PLEKHM3: variants seen among roughly 807,000 people sequenced by gnomAD.
PLEKHM3 encodes pleckstrin homology domain containing M3, also known as pleckstrin homology domain-containing family M member 3.
In PLEKHM3, 45 loss-of-function variants were observed where a neutral mutation model predicts 81.8. The observed-to-expected ratio is 0.55, with a 90% CI of 0.43 to 0.71. The LOEUF is 0.71. PLEKHM3 is among the 30% of genes least tolerant of loss of function. The probability of loss-of-function intolerance (pLI) is 0.00; values close to 1 mark genes in which losing one functional copy is unlikely to be tolerated. For synonymous variants in PLEKHM3, 352 were observed against 356.4 expected, an observed-to-expected ratio of 0.99 and a Z score of 0.14; for missense variants, 788 against 924.3, an observed-to-expected ratio of 0.85 and a Z score of 1.91.
intron 3 of PLEKHM3, among the ~76,000 whole-genome samples, chr2:207,968,044 C>T (rs1690978061): frequency 6.6e-6 from 1 of 151,874 alleles, no homozygotes; most frequent in African/African-American, 2.4e-5. Flanking sequence ...ATTCACAAAA[C>T]AATGCACATA....
At chr2:208,014,889 A>G (rs1692836509) in intron 1 of PLEKHM3, among the ~76,000 whole-genome samples, 1 of 152,240 alleles carries the variant, frequency 6.6e-6, no homozygotes, top group African/African-American at 2.4e-5. Flanking sequence ...TAGTTGAATC[A>G]GGCACTGCTA....
rs144848496 is a variant in PLEKHM3 at position 207,894,384 on chromosome 2, C to T, written c.1950+14130G>A. Among the ~76,000 whole-genome samples, 26 of 152,306 alleles carry T rather than the reference C, an allele frequency of 1.7e-4. 1 individual carries two copies. Among genetic ancestry groups the T allele is most frequent in the African/African-American group, 6.3e-4 (26 of 41,574 alleles). On this transcript the variant is annotated intron_variant, in intron 6 of 7. Transcript: ENST00000427836. ...AAACTGGGCAGGAAGCTGGGCCTGA[C>T]CAATATAGTCCCAATATCTACAGAG...
intron 2 of PLEKHM3, among the ~76,000 whole-genome samples, chr2:207,990,907 A>C (rs963207001): frequency 2.0e-5 from 3 of 152,228 alleles, no homozygotes; most frequent in African/African-American, 7.2e-5. Flanking sequence ...GCTCTAGTGG[A>C]AACAGACCTG....
intron 4 of PLEKHM3, among the ~76,000 whole-genome samples, chr2:207,932,976 A>G (rs1029620499): frequency 6.6e-6 from 1 of 152,208 alleles, no homozygotes; most frequent in Non-Finnish European, 1.5e-5. Flanking sequence ...ACCAAAGTTT[A>G]TGTTCTTTAT....
rs544589398 is a variant in PLEKHM3, at chr2:207,945,914, C to T, written c.1692+453G>A. On this transcript the variant is annotated intron_variant, in intron 4 of 7. Coordinates refer to ENST00000427836, the MANE Select transcript of PLEKHM3 (RefSeq NM_001080475.3). ...AGACAATGTCTAAAAAAAAAAAAGCCGACACAAACAAATGAACAAAAACAA... is the reference window on the plus strand; with the variant it reads ...AGACAATGTCTAAAAAAAAAAAAGCTGACACAAACAAATGAACAAAAACAA... Among the ~76,000 whole-genome samples, 413 of 149,086 alleles carry T rather than the reference C, an allele frequency of 2.8e-3. 6 individuals carry two copies. Among genetic ancestry groups the T allele is most frequent in the African/African-American group, 9.6e-3 (393 of 40,800 alleles).
intron 6 of PLEKHM3, among the ~76,000 whole-genome samples, chr2:207,892,703 G>A (rs767690649): frequency 2.6e-5 from 4 of 152,076 alleles, no homozygotes; most frequent in Non-Finnish European, 5.9e-5. Flanking sequence ...CCATTGGTGG[G>A]GTGGAGACTC....
At chr2:207,968,394 G>T (rs1690998113) in intron 3 of PLEKHM3, among the ~76,000 whole-genome samples, 2 of 152,038 alleles carry the variant, frequency 1.3e-5, no homozygotes, top group Admixed American at 6.6e-5. Context: ...TTGGGGGTGG[G>T]GGGCCACTTT....
At chr2:207,848,600 T>G (rs1162847244) in intron 7 of PLEKHM3, among the ~76,000 whole-genome samples, 1 of 152,214 alleles carries the variant, frequency 6.6e-6, no homozygotes, top group Admixed American at 6.5e-5. Context: ...GTTCCTTCTT[T>G]TTAAACAAGC....
chr2:207,821,363 G>A lies in PLEKHM3; in HGVS notation c.*6956C>T, dbSNP rs148315132. On this transcript the variant is annotated 3_prime_UTR_variant, in exon 8 of 8. Coordinates refer to ENST00000427836, the MANE Select transcript of PLEKHM3 (RefSeq NM_001080475.3). ...AGGAACTGGTGCACTTAAATTATGT[G>A]ACAGATGACCTTAAAAACTAGAGGT... 1 of 152,160 alleles carries A rather than the reference G, an allele frequency of 6.6e-6. No individual in the cohort carries two copies. The allele number at this position is 152,160 out of a possible 1,614,324, so 9.4% of individuals were successfully genotyped here.
chr2:207,976,625 C>T lies in PLEKHM3; in HGVS notation c.1546+26G>A. On this transcript the variant is annotated intron_variant, in intron 3 of 7. Coordinates refer to ENST00000427836, the MANE Select transcript of PLEKHM3 (RefSeq NM_001080475.3). The surrounding 1 kb of genome is among the most constrained non-coding windows in gnomAD (Gnocchi z 4.1). ...GGGTTCAGGATTGTTCTTTAATGAG[C>T]TATAGGCTGAAAATCTGCTTCATAC... 1 of 1,594,080 alleles carries T rather than the reference C, an allele frequency of 6.3e-7. No individual in the cohort carries two copies. Among genetic ancestry groups the T allele is most frequent in the South Asian group, 1.1e-5 (1 of 87,176 alleles).
At chr2:207,919,338 C>T (rs1292835738) in intron 5 of PLEKHM3, among the ~76,000 whole-genome samples, 3 of 152,104 alleles carry the variant, frequency 2.0e-5, no homozygotes, top group African/African-American at 4.8e-5. Flanking sequence ...GATGAGACCA[C>T]GTATGCCCTG....
At chr2:207,831,092 G>C (rs1240116328) in intron 7 of PLEKHM3, among the ~76,000 whole-genome samples, 1 of 152,202 alleles carries the variant, frequency 6.6e-6, no homozygotes, top group Admixed American at 6.5e-5. Flanking sequence ...CCAGTTCCTG[G>C]CCGTGGTGGG....
intron 1 of PLEKHM3, among the ~76,000 whole-genome samples, chr2:208,022,152 C>T (rs941685758): frequency 6.6e-6 from 1 of 152,184 alleles, no homozygotes; most frequent in Non-Finnish European, 1.5e-5. Flanking sequence ...GTGCATCCCT[C>T]CTAGCATTTG....
chr2:207,868,415 AG>A (rs2092514332), intron 6 of PLEKHM3, among the ~76,000 whole-genome samples: 1 of 152,120 alleles, frequency 6.6e-6, no homozygotes, highest in Non-Finnish European at 1.5e-5. Flanking sequence ...ATCATAACTC[AG>A]TTGTCTCTGG....
At chr2:207,872,094 T>C (rs2092537815) in intron 6 of PLEKHM3, among the ~76,000 whole-genome samples, 1 of 152,142 alleles carries the variant, frequency 6.6e-6, no homozygotes, top group Non-Finnish European at 1.5e-5. Flanking sequence ...ACCCAGCTAA[T>C]TAGTGACAAC....
intron 6 of PLEKHM3, among the ~76,000 whole-genome samples, chr2:207,884,628 T>G (rs1687827397): frequency 6.6e-6 from 1 of 152,154 alleles, no homozygotes; most frequent in Non-Finnish European, 1.5e-5. Flanking sequence ...AAAAAGGTAG[T>G]GTTACTATCA....
At chr2:207,841,448 CAAAAAAAAAAAAAA>C (rs1206603074) in intron 7 of PLEKHM3, among the ~76,000 whole-genome samples, 2 of 21,466 alleles carry the variant, frequency 9.3e-5, no homozygotes, top group African/African-American at 2.2e-4. Flanking sequence ...GACTCCATCT[CAAAAAAAAAAAAAA>C]AAAAAAAAAA....
chr2:208,006,418 C>T (rs1692494407), intron 1 of PLEKHM3, among the ~76,000 whole-genome samples: 1 of 152,176 alleles, frequency 6.6e-6, no homozygotes, highest in Non-Finnish European at 1.5e-5. Context: ...AACTGGAAAT[C>T]AGGAGCTAAT....
chr2:207,933,237 T>C (rs1689647703), intron 4 of PLEKHM3, among the ~76,000 whole-genome samples: 1 of 152,144 alleles, frequency 6.6e-6, no homozygotes, highest in Non-Finnish European at 1.5e-5. Context: ...CATCTATTAA[T>C]AGACACAGGT....
Sources: allele counts gnomAD v4.1 joint callset (sites outside exome capture counted in the v4.1 genomes callset), GRCh38; gene constraint gnomAD v4.1.1; non-coding constraint Gnocchi (gnomAD v3.1); transcripts MANE v1.5; gene names NCBI Gene and HGNC (gene_info 2026-07-23, HGNC 2026-07-21).